ACER3: variants seen among roughly 807,000 people sequenced by gnomAD.
ACER3 encodes alkCDase 3.
Under a neutral mutation model 48.9 loss-of-function variants are expected in ACER3, and 16 were observed. That is an observed-to-expected ratio of 0.33 (90% CI 0.22 to 0.50). ACER3 has a LOEUF of 0.50. Among genes scored for constraint, ACER3 ranks in the 20% least tolerant of loss-of-function variants. The probability of loss-of-function intolerance (pLI) is 0.98; values close to 1 mark genes in which losing one functional copy is unlikely to be tolerated. For missense variants in ACER3, 227 were observed against 326.0 expected (o/e 0.70, Z 2.34); for synonymous variants, 109 against 107.8 (o/e 1.01, Z -0.07).
intron 1 of ACER3, among the ~76,000 whole-genome samples, chr11:76,901,530 CAA>C (rs945319445): frequency 1.4e-4 from 21 of 152,134 alleles, no homozygotes; most frequent in Non-Finnish European, 2.8e-4. Context: ...GAGCCACAGA[CAA>C]AACTCCTCAG....
intron 2 of ACER3, among the ~76,000 whole-genome samples, chr11:76,954,137 G>A (rs553525944): frequency 6.6e-6 from 1 of 152,228 alleles, no homozygotes; most frequent in Admixed American, 6.5e-5. Flanking sequence ...AGTAGAGACA[G>A]GGTTTCACCA....
intron 3 of ACER3, among the ~76,000 whole-genome samples, chr11:76,965,412 A>C (rs1401021536): frequency 6.6e-6 from 1 of 151,424 alleles, no homozygotes. Flanking sequence ...GAACTTCCCC[A>C]ATCTAGCAAG....
intron 1 of ACER3, among the ~76,000 whole-genome samples, chr11:76,898,560 A>C (rs1465775875): frequency 6.6e-6 from 1 of 152,132 alleles, no homozygotes; most frequent in African/African-American, 2.4e-5. Flanking sequence ...AGATATAATT[A>C]GTTTCTCATT....
intron 3 of ACER3, among the ~76,000 whole-genome samples, chr11:76,967,307 C>T (rs1948165029): frequency 6.6e-6 from 1 of 152,152 alleles, no homozygotes; most frequent in South Asian, 2.1e-4. Context: ...GAAATTGAGG[C>T]AATAATTAAT....
At chr11:76,977,893 G>A (rs570343647) in intron 4 of ACER3, among the ~76,000 whole-genome samples, 49 of 152,282 alleles carry the variant, frequency 3.2e-4, no homozygotes, top group African/African-American at 6.0e-4. Flanking sequence ...GCTTCTCTCC[G>A]CTCCCAGCTC....
At chr11:76,918,130 T>C (rs974881559) in intron 1 of ACER3, among the ~76,000 whole-genome samples, 4 of 152,164 alleles carry the variant, frequency 2.6e-5, no homozygotes, top group African/African-American at 9.7e-5. Context: ...ACCAAAGTTA[T>C]TCACTTGTTA....
At chr11:76,941,276 G>A (rs1947338009) in intron 2 of ACER3, among the ~76,000 whole-genome samples, 1 of 152,122 alleles carries the variant, frequency 6.6e-6, no homozygotes, top group Middle Eastern at 3.2e-3. Context: ...CGGCTTTGTG[G>A]AGAAATATTT....
chr11:76,985,738 T>A lies in ACER3; in HGVS notation c.402+14T>A. ...ATAGTAACCACAGTAAGTCATATTT[T>A]GTTTCTAACAGATTAAGCATGTAAA... On this transcript the variant is annotated intron_variant, in intron 5 of 10. Transcript: ENST00000532485. The A allele has an allele frequency of 6.9e-7, 1 of 1,440,224 alleles. No homozygotes were observed. The highest frequency in any genetic ancestry group is 1.3e-5 in the South Asian group (1 of 74,378). 89.2% of individuals were successfully genotyped at this position (1,440,224 alleles called of 1,614,324 possible).
At chr11:76,955,029 A>G (rs1474100190) in intron 2 of ACER3, among the ~76,000 whole-genome samples, 1 of 152,230 alleles carries the variant, frequency 6.6e-6, no homozygotes, top group Admixed American at 6.5e-5. Context: ...TTGAAAACAA[A>G]TGGTGTCCTC....
intron 2 of ACER3, among the ~76,000 whole-genome samples, chr11:76,929,088 C>T (rs1946919536): frequency 6.6e-6 from 1 of 152,154 alleles, no homozygotes; most frequent in Non-Finnish European, 1.5e-5. Context: ...TCTTCCTACC[C>T]ATGAGCATGG....
intron 1 of ACER3, among the ~76,000 whole-genome samples, chr11:76,911,736 G>A (rs1347829560): frequency 6.6e-6 from 1 of 152,166 alleles, no homozygotes; most frequent in East Asian, 1.9e-4. Context: ...AAATATGGAA[G>A]CCTCAGCTTT....
intron 2 of ACER3, among the ~76,000 whole-genome samples, chr11:76,957,188 A>G (rs1330316030): frequency 6.6e-6 from 1 of 152,124 alleles, no homozygotes; most frequent in African/African-American, 2.4e-5. Context: ...ATTAAGGCCA[A>G]TGACTGGATC....
At chr11:77,009,389 C>T (rs1303277126) in intron 7 of ACER3, among the ~76,000 whole-genome samples, 1 of 152,196 alleles carries the variant, frequency 6.6e-6, no homozygotes, top group Non-Finnish European at 1.5e-5. Context: ...AGAGTGCCCC[C>T]ATGACTCAAA....
At chr11:76,946,133 G>A (rs1947467217) in intron 2 of ACER3, among the ~76,000 whole-genome samples, 1 of 152,220 alleles carries the variant, frequency 6.6e-6, no homozygotes, top group Non-Finnish European at 1.5e-5. Flanking sequence ...TCTCACAGCA[G>A]TCTGTAGCAG....
In ACER3 at chr11:76,957,281, A is replaced by G. The variant is rs139921968; in HGVS notation, c.215-1698A>G. Among the ~76,000 whole-genome samples the G allele has an allele frequency of 2.0e-5, 3 of 152,350 alleles. 1 individual carries two copies. The highest frequency in any genetic ancestry group is 7.2e-5 in the African/African-American group (3 of 41,590). ...ATTCTGAACTAAACTGAATCAGAAA[A>G]AAAAGCTTTATTAGATGTTATAAGG... On this transcript the variant is annotated intron_variant, in intron 2 of 10. Coordinates refer to ENST00000532485, the MANE Select transcript of ACER3 (RefSeq NM_018367.7).
intron 2 of ACER3, among the ~76,000 whole-genome samples, chr11:76,942,059 T>C (rs1028383876): frequency 1.3e-5 from 2 of 151,930 alleles, no homozygotes; most frequent in African/African-American, 4.8e-5. Context: ...AATCTGAGAG[T>C]TTTTTTGGTG....
chr11:76,904,237 C>T (rs938411423), intron 1 of ACER3, among the ~76,000 whole-genome samples: 14 of 152,092 alleles, frequency 9.2e-5, no homozygotes, highest in Middle Eastern at 3.4e-3. Flanking sequence ...TCCCCACCTG[C>T]GACCCTGCCC....
intron 3 of ACER3, among the ~76,000 whole-genome samples, chr11:76,965,551 C>T (rs1219090762): frequency 1.3e-5 from 2 of 151,194 alleles, no homozygotes; most frequent in Non-Finnish European, 2.9e-5. Context: ...TTAAGGGCAG[C>T]CAGACAGAAA....
At chr11:76,999,078 G>A (rs1250960284) in intron 7 of ACER3, among the ~76,000 whole-genome samples, 4 of 152,034 alleles carry the variant, frequency 2.6e-5, no homozygotes, top group African/African-American at 9.7e-5. Flanking sequence ...CGATGGCCTT[G>A]TTTTGAATAT....
Sources: allele counts gnomAD v4.1 joint callset (sites outside exome capture counted in the v4.1 genomes callset), GRCh38; gene constraint gnomAD v4.1.1; transcripts MANE v1.5; gene names NCBI Gene and HGNC (gene_info 2026-07-23, HGNC 2026-07-21).